The following CYP19A1 variants were observed in gnomAD, a reference collection of about 807,000 sequenced individuals.
CYP19A1 encodes the protein cytochrome P450 family 19 subfamily A member 1.
In CYP19A1, 32 loss-of-function variants were observed where a neutral mutation model predicts 44.4. That is an observed-to-expected ratio of 0.72 (90% CI 0.54 to 0.97). CYP19A1 has a LOEUF of 0.97. CYP19A1 is among the 50% of genes least tolerant of loss of function. The pLI is 0.00. For missense variants in CYP19A1, 598 were observed against 637.8 expected, an observed-to-expected ratio of 0.94 and a Z score of 0.67; for synonymous variants, 212 against 215.6, an observed-to-expected ratio of 0.98 and a Z score of 0.14.
intron 1 of CYP19A1, chr15:51,313,148 G>C (rs1312720269): frequency 6.6e-6 from 1 of 152,254 alleles, no homozygotes; most frequent in Non-Finnish European, 1.5e-5. Flanking sequence ...GTCTCTGTGA[G>C]TGTGATGATT....
rs17647478 is a variant in CYP19A1 at position 51,246,159 on chromosome 15, T to G, written c.-38-3209A>C. Reference sequence around the variant, plus strand: ...CATTCTAATGGGCCACGTGGGTAGGTTAAACAGAAGCCTTCAAATAGTGGT... The same window carrying G: ...CATTCTAATGGGCCACGTGGGTAGGGTAAACAGAAGCCTTCAAATAGTGGT... On this transcript the variant is annotated intron_variant, in intron 1 of 9. Transcript: ENST00000396402. 5.1e-3 allele frequency among the ~76,000 whole-genome samples: 778 copies of G among 152,246 alleles called. 8 individuals are homozygous for G. The highest frequency in any genetic ancestry group is 0.033 in the East Asian group (169 of 5,176).
intron 1 of CYP19A1, among the ~76,000 whole-genome samples, chr15:51,293,348 T>C (rs1001086594): frequency 4.6e-5 from 7 of 152,168 alleles, no homozygotes; most frequent in Non-Finnish European, 8.8e-5. Context: ...TATTAGCAAG[T>C]GTGAGCTAAG....
At chr15:51,269,883 C>A (rs2035061828) in intron 1 of CYP19A1, among the ~76,000 whole-genome samples, 1 of 152,214 alleles carries the variant, frequency 6.6e-6, no homozygotes, top group South Asian at 2.1e-4. Flanking sequence ...CTCCCGCTCC[C>A]TCCCTTTTTA....
intron 1 of CYP19A1, among the ~76,000 whole-genome samples, chr15:51,247,897 C>A (rs187688412): frequency 2.0e-5 from 3 of 152,176 alleles, no homozygotes; most frequent in African/African-American, 4.8e-5. Context: ...TCTCAAGATA[C>A]GTCCCTGTAT....
intron 3 of CYP19A1, among the ~76,000 whole-genome samples, chr15:51,231,466 A>C (rs886529476): frequency 6.6e-6 from 1 of 152,082 alleles, no homozygotes; most frequent in Admixed American, 6.5e-5. Flanking sequence ...ATTAAAATTA[A>C]AATACCCTTC....
At chr15:51,271,033 A>G (rs1301814011) in intron 1 of CYP19A1, among the ~76,000 whole-genome samples, 4 of 134,068 alleles carry the variant, frequency 3.0e-5, no homozygotes, top group Non-Finnish European at 6.6e-5. Flanking sequence ...AACTATGTGC[A>G]AGTCTAAGCA....
At chr15:51,328,883 T>A (rs1282637305) in intron 1 of CYP19A1, among the ~76,000 whole-genome samples, 1 of 152,162 alleles carries the variant, frequency 6.6e-6, no homozygotes, top group East Asian at 1.9e-4. Flanking sequence ...AGTAAGAGAA[T>A]TGCTGCTGCC....
intron 1 of CYP19A1, chr15:51,312,721 C>G (rs1298375937): frequency 6.6e-6 from 1 of 152,346 alleles, no homozygotes; most frequent in Non-Finnish European, 1.5e-5. Context: ...CCTTCTCTCC[C>G]GCTTCCATTC....
At chr15:51,232,651 C>T (rs750124188) in intron 3 of CYP19A1, among the ~76,000 whole-genome samples, 1 of 152,050 alleles carries the variant, frequency 6.6e-6, no homozygotes. Context: ...TTTTTTCTCT[C>T]ACACCCTACA....
intron 3 of CYP19A1, among the ~76,000 whole-genome samples, chr15:51,230,636 T>G (rs908221438): frequency 2.1e-5 from 3 of 144,636 alleles, no homozygotes; most frequent in Admixed American, 7.1e-5. Flanking sequence ...TTTTTTTTTT[T>G]GAGACAGAGT....
intron 8 of CYP19A1, 64 bp from the exon 9 acceptor site, chr15:51,212,625 A>C: frequency 9.1e-7 from 1 of 1,093,898 alleles, no homozygotes; most frequent in Non-Finnish European, 1.4e-6. Context: ...TTGGTATTAA[A>C]GCTTCTATTT....
chr15:51,286,202 GCTCT>G (rs375847233), intron 1 of CYP19A1, among the ~76,000 whole-genome samples: 209 of 152,176 alleles, frequency 1.4e-3, no homozygotes, highest in African/African-American at 4.9e-3. Flanking sequence ...TCTCTCCCTT[GCTCT>G]CTCTTTTTAC....
intron 1 of CYP19A1, among the ~76,000 whole-genome samples, chr15:51,252,697 G>A (rs28757159): frequency 0.031 from 4,760 of 152,284 alleles, 189 homozygotes; most frequent in East Asian, 0.16. Flanking sequence ...GGGTTCCAGT[G>A]CATGGAGGGC....
chr15:51,283,607 C>G (rs1018691039), intron 1 of CYP19A1, among the ~76,000 whole-genome samples: 1 of 152,142 alleles, frequency 6.6e-6, no homozygotes, highest in African/African-American at 2.4e-5. Context: ...GGCTCTTGTT[C>G]CAATTGTCGG....
chr15:51,302,734 C>T (rs2445758), intron 1 of CYP19A1, among the ~76,000 whole-genome samples: 77,109 of 152,088 alleles, frequency 0.51, 19,808 homozygotes, highest in Middle Eastern at 0.62. Flanking sequence ...CCAGCTCAAA[C>T]GCGACCTCCT....
At chr15:51,225,039 T>G (rs1265174339) in intron 4 of CYP19A1, among the ~76,000 whole-genome samples, 3 of 152,244 alleles carry the variant, frequency 2.0e-5, no homozygotes, top group Non-Finnish European at 4.4e-5. Context: ...CTCAATGTGC[T>G]TTAGATGGCC....
At chr15:51,335,318 G>A (rs545851055) in intron 1 of CYP19A1, among the ~76,000 whole-genome samples, 1 of 152,284 alleles carries the variant, frequency 6.6e-6, no homozygotes, top group East Asian at 1.9e-4. Context: ...ACTACGATAG[G>A]CGGAAATCTG....
intron 8 of CYP19A1, among the ~76,000 whole-genome samples, chr15:51,213,931 T>C (rs1440269169): frequency 6.6e-6 from 1 of 152,196 alleles, no homozygotes; most frequent in African/African-American, 2.4e-5. Flanking sequence ...CAAGAAAACA[T>C]GCTGGAATTT....
chr15:51,214,283 C>T (rs1566869894), intron 8 of CYP19A1, among the ~76,000 whole-genome samples: 1 of 152,164 alleles, frequency 6.6e-6, no homozygotes, highest in Non-Finnish European at 1.5e-5. Context: ...AGTTTGATTT[C>T]TTTCAAAGAT....
Sources: gnomAD v4.1 joint callset for allele counts (sites outside exome capture counted in the v4.1 genomes callset) on GRCh38, gnomAD v4.1.1 for gene constraint, MANE v1.5 for transcripts, NCBI Gene and HGNC (gene_info 2026-07-23, HGNC 2026-07-21) for gene names.